Variants in DPYD observed in about 807,000 individuals in gnomAD.
DPYD encodes the protein dihydropyrimidine dehydrogenase.
DPYD carries 109 observed loss-of-function variants against 116.2 expected under a neutral mutation model. That is an observed-to-expected ratio of 0.94 (90% CI 0.80 to 1.10). The LOEUF (loss-of-function observed/expected upper bound fraction) is 1.10, where lower values mean the gene tolerates loss of function less well. Among genes scored for constraint, DPYD ranks in the 50% least tolerant of loss-of-function variants. DPYD has a pLI of 0.00. For missense variants in DPYD, 1,302 were observed against 1,254.5 expected (o/e 1.04, Z -0.57); for synonymous variants, 440 against 432.0 (o/e 1.02, Z -0.23).
intron 12 of DPYD, among the ~76,000 whole-genome samples, chr1:97,548,759 T>A (rs932327776): frequency 1.6e-4 from 24 of 152,100 alleles, no homozygotes; most frequent in Non-Finnish European, 2.8e-4. Flanking sequence ...AAATTAAATT[T>A]AATTTAATTT....
At chr1:97,681,490 T>C (rs915384460) in intron 7 of DPYD, among the ~76,000 whole-genome samples, 1 of 152,102 alleles carries the variant, frequency 6.6e-6, no homozygotes, top group Non-Finnish European at 1.5e-5. Context: ...AGAAAGTTTA[T>C]AATAAGGGGA....
At chr1:97,792,060 AC>A (rs1391322127) in intron 3 of DPYD, among the ~76,000 whole-genome samples, 3 of 152,196 alleles carry the variant, frequency 2.0e-5, no homozygotes, top group African/African-American at 7.2e-5. Flanking sequence ...TTCTAAGAGA[AC>A]CTTTCACCTG....
At chr1:97,563,548 A>C (rs1303604643) in intron 11 of DPYD, among the ~76,000 whole-genome samples, 2 of 152,192 alleles carry the variant, frequency 1.3e-5, no homozygotes, top group East Asian at 1.9e-4. Flanking sequence ...TTTGATGGAA[A>C]ACTACTGATT....
intron 16 of DPYD, among the ~76,000 whole-genome samples, chr1:97,347,631 C>T (rs769164538): frequency 2.6e-5 from 4 of 151,864 alleles, no homozygotes; most frequent in Non-Finnish European, 4.4e-5. Context: ...AAGGTTGTAC[C>T]GGGCTCATAA....
At chr1:97,460,713 T>C (rs1676967621) in intron 13 of DPYD, among the ~76,000 whole-genome samples, 1 of 152,174 alleles carries the variant, frequency 6.6e-6, no homozygotes, top group South Asian at 2.1e-4. Flanking sequence ...CCCTGGAATC[T>C]ACATTAACCA....
chr1:97,912,981 A>C (rs1478656022), intron 1 of DPYD, among the ~76,000 whole-genome samples: 1 of 152,092 alleles, frequency 6.6e-6, no homozygotes, highest in Non-Finnish European at 1.5e-5. Flanking sequence ...ACAATCATCA[A>C]TCAACAAACA....
chr1:97,384,297 G>A (rs1672175919), intron 14 of DPYD, among the ~76,000 whole-genome samples: 1 of 150,370 alleles, frequency 6.7e-6, no homozygotes. Flanking sequence ...GTTTTCATCA[G>A]GAGAATAGAA....
At chr1:97,883,923 G>T in intron 1 of DPYD, 2 of 436,416 alleles carry the variant, frequency 4.6e-6, no homozygotes, top group Non-Finnish European at 8.7e-6. Context: ...TCCTATATTT[G>T]GTTTTCCAAA....
chr1:97,297,108 A>G (rs1666582772), intron 18 of DPYD, among the ~76,000 whole-genome samples: 1 of 152,178 alleles, frequency 6.6e-6, no homozygotes, highest in South Asian at 2.1e-4. Context: ...CAATTTGAAA[A>G]CCACAGAAAT....
intron 16 of DPYD, among the ~76,000 whole-genome samples, chr1:97,307,369 T>A (rs1333293706): frequency 1.3e-5 from 2 of 151,884 alleles, no homozygotes; most frequent in African/African-American, 4.8e-5. Flanking sequence ...AATTAATGTT[T>A]TTGTATGTAA....
Position 97,166,498 on chromosome 1 carries a change from T to G in DPYD, c.2622+26571A>C, listed in dbSNP as rs867894846. 4.6e-5 allele frequency among the ~76,000 whole-genome samples: 7 copies of G among 152,120 alleles called. No homozygotes were observed. In the South Asian group the frequency reaches 1.5e-3, roughly 32 times the overall value. ...AGTACCTGTGTGACAAAATAATCTG[T>G]AAAAGGGGCCCCCATGACATGAGTT... On this transcript the variant is annotated intron_variant, in intron 20 of 22. Coordinates refer to ENST00000370192, the MANE Select transcript of DPYD (RefSeq NM_000110.4).
At position 97,095,471 on chromosome 1, in the gene DPYD, TA is replaced by T. The variant is rs566038141; in HGVS notation, c.2766+3017del. ...CAAACAAATTTTAGAGAAATTGAAG[TA>T]AAATACAAATATTAAAATCCTAAAA... is the stretch of plus-strand genomic sequence containing the variant. On this transcript the variant is annotated intron_variant, in intron 21 of 22. Coordinates refer to ENST00000370192, the MANE Select transcript of DPYD (RefSeq NM_000110.4). Among the ~76,000 whole-genome samples, 1,021 of 152,034 alleles carry T rather than the reference TA, an allele frequency of 6.7e-3. 11 individuals carry two copies. Among genetic ancestry groups the T allele is most frequent in the African/African-American group, 0.023 (967 of 41,506 alleles).
rs76899393 is a variant in DPYD, at chr1:97,369,772, A to G, written c.2058+3789T>C. Among the ~76,000 whole-genome samples the G allele has an allele frequency of 5.8e-3, 877 of 152,324 alleles. 7 individuals are homozygous for G. Among genetic ancestry groups the G allele is most frequent in the African/African-American group, 0.019 (807 of 41,584 alleles). On this transcript the variant is annotated intron_variant, in intron 16 of 22. Transcript: ENST00000370192. ...CTAAAATGGAAGCGCAGCCTCCAGT[A>G]TAAAAGACCAAGGGTTCTATTCTAG...
chr1:97,797,945 C>A (rs967347079), intron 3 of DPYD: 3 of 151,922 alleles, frequency 2.0e-5, no homozygotes, highest in African/African-American at 4.8e-5. Flanking sequence ...ACTAGAAAGT[C>A]TTTATTTGGC....
At chr1:97,430,423 C>T (rs1324853555) in intron 14 of DPYD, among the ~76,000 whole-genome samples, 1 of 152,080 alleles carries the variant, frequency 6.6e-6, no homozygotes, top group East Asian at 1.9e-4. Flanking sequence ...AGTATTTTGA[C>T]AGTTGCCTTT....
chr1:97,641,616 G>A (rs1249049866), intron 8 of DPYD, among the ~76,000 whole-genome samples: 1 of 152,052 alleles, frequency 6.6e-6, no homozygotes, highest in Non-Finnish European at 1.5e-5. Flanking sequence ...AATAAGAGCA[G>A]TTTATGATAA....
chr1:97,359,701 C>G (rs1670617105), intron 16 of DPYD, among the ~76,000 whole-genome samples: 1 of 152,106 alleles, frequency 6.6e-6, no homozygotes, highest in Non-Finnish European at 1.5e-5. Flanking sequence ...TCATATCCAG[C>G]CAAACTAAGC....
intron 13 of DPYD, among the ~76,000 whole-genome samples, chr1:97,485,088 C>T (rs910858071): frequency 4.6e-5 from 7 of 152,308 alleles, no homozygotes; most frequent in African/African-American, 1.7e-4. Flanking sequence ...ATTCATTGAG[C>T]TTCCTCAATG....
At chr1:97,546,008 A>C (rs1340095203) in intron 12 of DPYD, 18 of 1,364,176 alleles carry the variant, frequency 1.3e-5, no homozygotes, top group South Asian at 2.3e-5. Context: ...GGAGTTTTCC[A>C]TATGTGACCA....
Sources: gnomAD v4.1 joint callset for allele counts (sites outside exome capture counted in the v4.1 genomes callset) on GRCh38, gnomAD v4.1.1 for gene constraint, MANE v1.5 for transcripts, NCBI Gene and HGNC (gene_info 2026-07-23, HGNC 2026-07-21) for gene names.